UIMC1: variants seen among roughly 807,000 people sequenced by gnomAD.
UIMC1 encodes BRCA1-A complex subunit RAP80.
A neutral mutation model predicts 84.9 loss-of-function variants in UIMC1; 42 were observed. The observed-to-expected ratio is 0.49, with a 90% CI of 0.39 to 0.64. UIMC1 has a LOEUF of 0.64. Among genes scored for constraint, UIMC1 ranks in the 30% least tolerant of loss-of-function variants. The probability of loss-of-function intolerance (pLI) is 0.00; values close to 1 mark genes in which losing one functional copy is unlikely to be tolerated. For synonymous variants in UIMC1, 281 were observed against 293.0 expected (o/e 0.96, Z 0.42); for missense variants, 825 against 847.6 (o/e 0.97, Z 0.33).
upstream of UIMC1, among the ~76,000 whole-genome samples, chr5:177,008,945 T>G (rs1301560129): frequency 1.3e-5 from 2 of 152,044 alleles, no homozygotes; most frequent in East Asian, 1.9e-4. Flanking sequence ...GGAGAGACCT[T>G]AAGCCAAAGA....
chr5:176,944,083 G>C (rs1764787285), intron 9 of UIMC1, among the ~76,000 whole-genome samples: 2 of 152,182 alleles, frequency 1.3e-5, no homozygotes, highest in Admixed American at 6.5e-5. Context: ...TGTTATTACT[G>C]TAAGTGACTT....
rs1307888199 is a variant in UIMC1, at chr5:176,997,705, AC to A, written c.-9+8944del. 9.3e-5 allele frequency among the ~76,000 whole-genome samples: 12 copies of A among 129,468 alleles called. No individual in the cohort carries two copies. In the South Asian group the frequency reaches 1.2e-3, roughly 13 times the overall value. 84.9% of individuals were successfully genotyped at this position (129,468 alleles called of 152,430 possible). On this transcript the variant is annotated intron_variant, in intron 1 of 14. Transcript: ENST00000511320. ...GTCTCAAAAAAAAAAAAAAAAAAAA[AC>A]CCATTTCAATGGTTTCCCACTATTT...
intron 10 of UIMC1, among the ~76,000 whole-genome samples, chr5:176,922,780 A>G (rs557877488): frequency 7.5e-4 from 114 of 152,368 alleles, no homozygotes; most frequent in African/African-American, 2.5e-3. Context: ...ATATTATCAA[A>G]TTGCTTAAAC....
chr5:177,007,877 G>C (rs1775432517), upstream of UIMC1, among the ~76,000 whole-genome samples: 1 of 152,156 alleles, frequency 6.6e-6, no homozygotes, highest in Admixed American at 6.6e-5. Flanking sequence ...GGCCAAGGTA[G>C]GCAGATCACT....
At chr5:176,982,988 C>G (rs1204833000) in intron 1 of UIMC1, among the ~76,000 whole-genome samples, 2 of 152,078 alleles carry the variant, frequency 1.3e-5, no homozygotes, top group East Asian at 3.9e-4. Context: ...CATGAGCCAC[C>G]ACATCCAGCC....
At chr5:176,905,961 C>A in intron 14 of UIMC1, 50 bp downstream of exon 14, 2 of 1,606,858 alleles carry the variant, frequency 1.2e-6, no homozygotes, top group Non-Finnish European at 8.5e-7. Flanking sequence ...ACAAGGCCTG[C>A]ACTTTTCAGA....
chr5:176,906,280 T>A (rs1759361738), intron 13 of UIMC1: 2 of 478,080 alleles, frequency 4.2e-6, no homozygotes, highest in Non-Finnish European at 7.5e-6. Flanking sequence ...ATAAATCTAC[T>A]TCAATTCTGG....
chr5:176,931,452 C>T (rs539365798), intron 10 of UIMC1, among the ~76,000 whole-genome samples: 1 of 152,182 alleles, frequency 6.6e-6, no homozygotes, highest in East Asian at 1.9e-4. Flanking sequence ...TAAGAGAAAT[C>T]CTGAGGTGGG....
intron 10 of UIMC1, among the ~76,000 whole-genome samples, chr5:176,939,930 A>G (rs761836009): frequency 3.9e-5 from 6 of 152,174 alleles, no homozygotes; most frequent in African/African-American, 1.4e-4. Flanking sequence ...GCACATTTAC[A>G]TCTATCATGT....
At chr5:176,986,674 C>A (rs1772074247) in intron 1 of UIMC1, among the ~76,000 whole-genome samples, 1 of 151,966 alleles carries the variant, frequency 6.6e-6, no homozygotes, top group South Asian at 2.1e-4. Context: ...GACCCTGTCT[C>A]TACAAAAAAT....
chr5:176,967,254 AC>A (rs1703414522), intron 6 of UIMC1, among the ~76,000 whole-genome samples: 1 of 151,870 alleles, frequency 6.6e-6, no homozygotes, highest in African/African-American at 2.4e-5. Context: ...GTAACAGTAA[AC>A]TCTGACTAAT....
Position 176,906,023 on chromosome 5 carries a change from G to A in UIMC1, c.1937C>T (p.Thr646Ile), listed in dbSNP as rs1218920387. 1 of 1,614,050 alleles carries A rather than the reference G, an allele frequency of 6.2e-7. No individual in the cohort carries two copies. Among genetic ancestry groups the A allele is most frequent in the Admixed American group, 1.7e-5 (1 of 60,018 alleles). The change falls in exon 14 of 15, where the codon ACA (threonine) becomes ATA (isoleucine). Residue 646 changes from threonine to isoleucine, a missense_variant. Transcript: ENST00000511320. ...CAATCCAATTCACCTGAAGGCTCCT[G>A]TTTCTGAAGACTTGATGTCTGCATC... The part of the protein sequence containing the change: ...TSDADIKSSE[T>I]GAFRVPSPGM...
intron 1 of UIMC1, among the ~76,000 whole-genome samples, chr5:176,985,994 G>A (rs572873316): frequency 1.3e-5 from 2 of 151,872 alleles, no homozygotes; most frequent in South Asian, 2.1e-4. Context: ...GCTCACCCCT[G>A]TAATCCCAAC....
At chr5:176,908,798 C>A in intron 11 of UIMC1, 104 bp from the exon 12 acceptor site, 2 of 1,225,392 alleles carry the variant, frequency 1.6e-6, no homozygotes, top group Non-Finnish European at 2.3e-6. Flanking sequence ...CAAAGTTATT[C>A]TATGGAGGAG....
Position 176,929,180 on chromosome 5 carries a change from G to A in UIMC1, c.1597+14155C>T, listed in dbSNP as rs77414786. 1.1e-3 allele frequency among the ~76,000 whole-genome samples: 169 copies of A among 151,576 alleles called. 2 individuals carry two copies. In the East Asian group the frequency reaches 0.017, roughly 15 times the overall value. On this transcript the variant is annotated intron_variant, in intron 10 of 14. Coordinates refer to ENST00000511320, the MANE Select transcript of UIMC1 (RefSeq NM_001199298.2). ...TGAGGCAGGAGAATCACTTGAACCCGGGAGGCAGAGGTTGCAGTGAGCCAA... is the reference window on the plus strand; with the variant it reads ...TGAGGCAGGAGAATCACTTGAACCCAGGAGGCAGAGGTTGCAGTGAGCCAA...
chr5:176,925,776 A>T (rs1224836229), intron 10 of UIMC1, among the ~76,000 whole-genome samples: 3 of 152,158 alleles, frequency 2.0e-5, no homozygotes, highest in Non-Finnish European at 2.9e-5. Context: ...AGGGGTGAAG[A>T]AGAGATATGA....
At chr5:176,939,698 GAC>G (rs945471897) in intron 10 of UIMC1, among the ~76,000 whole-genome samples, 7 of 152,236 alleles carry the variant, frequency 4.6e-5, no homozygotes, top group African/African-American at 1.7e-4. Flanking sequence ...ATCACTTAAT[GAC>G]ACATTTCTCA....
chr5:176,914,915 G>C (rs1760773962), intron 10 of UIMC1, among the ~76,000 whole-genome samples: 1 of 152,134 alleles, frequency 6.6e-6, no homozygotes, highest in East Asian at 1.9e-4. Flanking sequence ...TATGTACGAG[G>C]ACTTCATGAG....
At chr5:176,938,490 C>T (rs1012362505) in intron 10 of UIMC1, among the ~76,000 whole-genome samples, 2 of 152,150 alleles carry the variant, frequency 1.3e-5, no homozygotes, top group African/African-American at 4.8e-5. Context: ...CCCACCTATA[C>T]CCCCAAGCTC....
Sources: allele counts gnomAD v4.1 joint callset (sites outside exome capture counted in the v4.1 genomes callset), GRCh38; gene constraint gnomAD v4.1.1; transcripts MANE v1.5; gene names NCBI Gene and HGNC (gene_info 2026-07-23, HGNC 2026-07-21).